The following TOGARAM1 variants were observed in gnomAD, a reference collection of about 807,000 sequenced individuals.
TOGARAM1 encodes TOG array regulator of axonemal microtubules protein 1.
TOGARAM1 carries 100 observed loss-of-function variants against 166.6 expected under a neutral mutation model. That is an observed-to-expected ratio of 0.60 (90% confidence interval 0.51 to 0.71). The LOEUF (loss-of-function observed/expected upper bound fraction) is 0.71, where lower values mean the gene tolerates loss of function less well. Among genes scored for constraint, TOGARAM1 ranks in the 30% least tolerant of loss-of-function variants. The probability of loss-of-function intolerance (pLI) is 0.00; values close to 1 mark genes in which losing one functional copy is unlikely to be tolerated. For missense variants in TOGARAM1, 2,029 were observed against 2,102.7 expected (o/e 0.96, Z 0.69); for synonymous variants, 758 against 763.8 (o/e 0.99, Z 0.13).
At chr14:44,987,056 G>A (rs2138778244) in intron 1 of TOGARAM1, among the ~76,000 whole-genome samples, 1 of 151,114 alleles carries the variant, frequency 6.6e-6, no homozygotes, top group Non-Finnish European at 1.5e-5. Flanking sequence ...TTGCCAAAAT[G>A]TAAATTGAGG....
At position 44,975,569 on chromosome 14, in the gene TOGARAM1, C is replaced by T. The variant is rs907949314; in HGVS notation, c.2046+11102C>T. ...GCAACCTCTGTCTCCCAGGTTCAAG[C>T]CATTCTCCCACCTCAGCCTCCCGGA... On this transcript the variant is annotated intron_variant, in intron 1 of 19. Coordinates refer to ENST00000361462, the MANE Select transcript of TOGARAM1 (RefSeq NM_001308120.2). Among the ~76,000 whole-genome samples, 14 of 152,178 alleles carry T rather than the reference C, an allele frequency of 9.2e-5. 1 individual carries two copies. Among genetic ancestry groups the T allele is most frequent in the African/African-American group, 3.1e-4 (13 of 41,524 alleles).
chr14:45,065,926 G>C (rs1883119441), intron 16 of TOGARAM1, among the ~76,000 whole-genome samples: 1 of 152,140 alleles, frequency 6.6e-6, no homozygotes, highest in Non-Finnish European at 1.5e-5. Flanking sequence ...CCCTAAAAAA[G>C]GCTGCTTGCA....
chr14:44,970,984 G>A (rs926750723), intron 1 of TOGARAM1, among the ~76,000 whole-genome samples: 1 of 151,976 alleles, frequency 6.6e-6, no homozygotes, highest in Non-Finnish European at 1.5e-5. Context: ...AGGTGATATT[G>A]GTCTGTGGGG....
At chr14:44,969,679 A>G (rs1487629472) in intron 1 of TOGARAM1, among the ~76,000 whole-genome samples, 1 of 152,194 alleles carries the variant, frequency 6.6e-6, no homozygotes, top group Non-Finnish European at 1.5e-5. Flanking sequence ...TTATAGTTTT[A>G]CAATTTACAT....
chr14:44,969,194 G>T (rs372238331), intron 1 of TOGARAM1, among the ~76,000 whole-genome samples: 2 of 127,122 alleles, frequency 1.6e-5, no homozygotes, highest in East Asian at 2.2e-4. Context: ...TTGTGAGACA[G>T]CCCAGGCTGG....
rs371633827 is a variant in TOGARAM1 at position 44,963,675 on chromosome 14, G to T, written c.1254G>T (p.Leu418=). ...TGGTGCATGGCACACTTGAAGTCCT[G>T]CATTTACTGGTTATTCGCCTTGGAG... ...FKVVHGTLEV[L]HLLVIRLGEQ... The change falls in exon 1 of 20, where the codon CTG becomes CTT. Residue 418 remains leucine (L), a synonymous_variant. Coordinates refer to ENST00000361462, the MANE Select transcript of TOGARAM1 (RefSeq NM_001308120.2). The T allele has an allele frequency of 7.6e-5, 123 of 1,613,548 alleles. 1 individual carries two copies. The East Asian group carries it at 2.2e-3, about 29-fold the overall frequency.
At position 44,964,399 on chromosome 14, in the gene TOGARAM1, C is replaced by T; in HGVS notation, c.1978C>T (p.Pro660Ser). 6.2e-7 allele frequency: 1 copy of T among 1,612,720 alleles called. No homozygotes were observed. Among genetic ancestry groups the T allele is most frequent in the South Asian group, 1.1e-5 (1 of 90,924 alleles). The stretch of plus-strand genomic sequence containing the variant: ...TGCAGGAAAAGGAAAAAATAAATTA[C>T]CATGGGAAAATGAGCAACCTGGAAT... ...LSAGKGKNKLPWENEQPGIMG... is the reference protein window; with the variant it reads ...LSAGKGKNKLSWENEQPGIMG... Residue 660 changes from proline to serine, a missense_variant, in exon 1 of 20, where the codon CCA (proline) becomes TCA (serine). This residue lies in a region of TOGARAM1 where 1,453 missense variants were observed against 1,432.2 expected (regional missense o/e 1.01). Transcript: ENST00000361462.
In TOGARAM1 at chr14:45,008,959, G is replaced by T; in HGVS notation, c.2951G>T (p.Arg984Ile). 1 of 1,614,074 alleles carries T rather than the reference G, an allele frequency of 6.2e-7. No individual in the cohort carries two copies. Among genetic ancestry groups the T allele is most frequent in the Non-Finnish European group, 8.5e-7 (1 of 1,179,986 alleles). ...CTTCGTAATAGTGCAGCTAAGAAAA[G>T]AGCAAAACTGAGTGGCAGTACTTCA... ...RSLRNSAAKK[R>I]AKLSGSTSDL... The change falls in exon 6 of 20, where the codon AGA becomes ATA. Residue 984 changes from arginine (R) to isoleucine (I), a missense_variant. Transcript: ENST00000361462.
At chr14:45,013,043 T>C (rs575048033) in intron 7 of TOGARAM1, among the ~76,000 whole-genome samples, 7 of 152,310 alleles carry the variant, frequency 4.6e-5, no homozygotes, top group Admixed American at 3.9e-4. Context: ...CCAGCCTACC[T>C]CTCCAGCCTC....
chr14:45,067,837 G>T (rs960881926), intron 17 of TOGARAM1, among the ~76,000 whole-genome samples: 1 of 152,054 alleles, frequency 6.6e-6, no homozygotes, highest in South Asian at 2.1e-4. Context: ...ATGACTAAAG[G>T]ATTGTTTAGC....
intron 7 of TOGARAM1, among the ~76,000 whole-genome samples, chr14:45,022,269 AG>A (rs2138891872): frequency 6.6e-6 from 1 of 151,494 alleles, no homozygotes; most frequent in Admixed American, 6.6e-5. Context: ...TGTCCTGCAG[AG>A]GAAGGCCTCT....
intron 1 of TOGARAM1, among the ~76,000 whole-genome samples, chr14:44,988,015 A>G (rs1886933944): frequency 6.6e-6 from 1 of 151,666 alleles, no homozygotes; most frequent in South Asian, 2.1e-4. Context: ...ACAAAAAACC[A>G]AACATCACAT....
chr14:45,012,828 C>T (rs1041046145), intron 7 of TOGARAM1, among the ~76,000 whole-genome samples: 1 of 152,176 alleles, frequency 6.6e-6, no homozygotes, highest in African/African-American at 2.4e-5. Flanking sequence ...ATTTCTTGCT[C>T]TTAAATGTGT....
intron 7 of TOGARAM1, among the ~76,000 whole-genome samples, chr14:45,013,693 T>C (rs1879946808): frequency 6.6e-6 from 1 of 152,218 alleles, no homozygotes; most frequent in Non-Finnish European, 1.5e-5. Flanking sequence ...TAGTAGGCAC[T>C]CAATATGTAT....
At chr14:45,034,661 A>G (rs11157428) in intron 11 of TOGARAM1, among the ~76,000 whole-genome samples, 1,624 of 152,302 alleles carry the variant, frequency 0.011, 34 homozygotes, top group African/African-American at 0.037. Flanking sequence ...TAGTGTAGTA[A>G]AATAAACCAT....
chr14:45,051,342 C>A (rs1343172873), intron 14 of TOGARAM1, among the ~76,000 whole-genome samples: 1 of 152,166 alleles, frequency 6.6e-6, no homozygotes, highest in Admixed American at 6.5e-5. Flanking sequence ...CAGGCCAGAA[C>A]ATCTGGCCCT....
At position 45,005,993 on chromosome 14, in the gene TOGARAM1, CTA is replaced by C; in HGVS notation, c.2645-13_2645-12del. The C allele has an allele frequency of 6.5e-7, 1 of 1,528,334 alleles. No homozygotes were observed. The highest frequency in any genetic ancestry group is 1.4e-5 in the African/African-American group (1 of 71,858). The allele number at this position is 1,528,334 out of a possible 1,614,324, so 94.7% of individuals were successfully genotyped here. A position where few individuals can be genotyped will look rare whatever the true frequency, so the allele number is the denominator to read the frequency against. ...ATTAGAAAAAGAAAAAGTAAAATAT[CTA>C]TTTTTCATGCAGGAGAAAATTCTCA... is the stretch of plus-strand genomic sequence containing the variant. On this transcript the variant is annotated splice_polypyrimidine_tract_variant and intron_variant, in intron 4 of 19. Coordinates refer to ENST00000361462, the MANE Select transcript of TOGARAM1 (RefSeq NM_001308120.2).
At chr14:45,067,710 A>G (rs1267519029) in intron 17 of TOGARAM1, among the ~76,000 whole-genome samples, 2 of 152,148 alleles carry the variant, frequency 1.3e-5, no homozygotes, top group African/African-American at 2.4e-5. Flanking sequence ...TCTGATATCT[A>G]TTGAGTAAAA....
intron 11 of TOGARAM1, among the ~76,000 whole-genome samples, chr14:45,035,654 C>G (rs545173286): frequency 6.6e-6 from 1 of 152,042 alleles, no homozygotes; most frequent in African/African-American, 2.4e-5. Flanking sequence ...TGGAGAAAAT[C>G]TTAAAAATAG....
Sources: gnomAD v4.1 joint callset for allele counts (sites outside exome capture counted in the v4.1 genomes callset) on GRCh38, gnomAD v4.1.1 for gene constraint, gnomAD v4.1.1 regional missense constraint, MANE v1.5 for transcripts, NCBI Gene and HGNC (gene_info 2026-07-23, HGNC 2026-07-21) for gene names.